The following LRRC37A2 variants were observed in gnomAD, a reference collection of about 807,000 sequenced individuals.
LRRC37A2 encodes the protein leucine-rich repeat-containing protein 37A2.
Under a neutral mutation model 68.8 loss-of-function variants are expected in LRRC37A2, and 9 were observed. That is an observed-to-expected ratio of 0.13 (90% CI 0.08 to 0.23). The LOEUF is 0.23. Ranked by LOEUF, LRRC37A2 falls within the 10% of genes least tolerant of loss-of-function variation. The pLI, the probability that LRRC37A2 is intolerant of heterozygous loss-of-function variation, is 1.00. For missense variants in LRRC37A2, 168 were observed against 950.4 expected, an observed-to-expected ratio of 0.18 and a Z score of 10.82; for synonymous variants, 63 against 367.6, an observed-to-expected ratio of 0.17 and a Z score of 9.48.
the LRRC37A2 span, among the ~76,000 whole-genome samples, chr17:46,502,251 C>A: frequency 1.3e-5 from 2 of 151,088 alleles, no homozygotes; most frequent in Admixed American, 6.6e-5. Flanking sequence ...TATTTACTTA[C>A]TGAACTCAGA....
chr17:46,505,288 AGAAG>A, the LRRC37A2 span, among the ~76,000 whole-genome samples: 1 of 102,396 alleles, frequency 9.8e-6, no homozygotes, highest in Admixed American at 9.9e-5. Flanking sequence ...CGTAGGAGGA[AGAAG>A]GAAGTAATGT....
chr17:46,455,553 G>C, the LRRC37A2 span, among the ~76,000 whole-genome samples: 1 of 102,244 alleles, frequency 9.8e-6, no homozygotes, highest in East Asian at 3.1e-4. Context: ...TAATAGAGTT[G>C]TTTGCATCTT....
chr17:46,714,753 T>C, the LRRC37A2 span, among the ~76,000 whole-genome samples: 1 of 152,252 alleles, frequency 6.6e-6, no homozygotes, highest in Non-Finnish European at 1.5e-5. Context: ...AAATTATTTT[T>C]TGTATCCAGC....
the LRRC37A2 span, among the ~76,000 whole-genome samples, chr17:46,924,713 A>G: frequency 6.6e-6 from 1 of 152,214 alleles, no homozygotes; most frequent in African/African-American, 2.4e-5. Context: ...TTTCTTTTAC[A>G]CTGGGGAGCC....
the LRRC37A2 span, among the ~76,000 whole-genome samples, chr17:46,987,632 T>C: frequency 3.3e-5 from 5 of 152,000 alleles, no homozygotes; most frequent in African/African-American, 9.7e-5. Context: ...TCTAAGTATA[T>C]ACCCAAAGAA....
the LRRC37A2 span, among the ~76,000 whole-genome samples, chr17:46,754,420 A>G: frequency 6.6e-6 from 1 of 152,316 alleles, no homozygotes; most frequent in South Asian, 2.1e-4. Flanking sequence ...AGCATTTGAA[A>G]GTTATTCCTG....
the LRRC37A2 span, among the ~76,000 whole-genome samples, chr17:46,904,755 T>A: frequency 6.6e-6 from 1 of 152,208 alleles, no homozygotes; most frequent in East Asian, 1.9e-4. Flanking sequence ...CTCAGGAGAC[T>A]TGCATGAAGC....
the LRRC37A2 span, among the ~76,000 whole-genome samples, chr17:47,012,008 T>C: frequency 6.6e-6 from 1 of 152,214 alleles, no homozygotes; most frequent in Non-Finnish European, 1.5e-5. Context: ...GGAGACCCTA[T>C]AAGATCGTGG....
At chr17:46,493,533 T>TTTTA in the LRRC37A2 span, among the ~76,000 whole-genome samples, 54 of 106,304 alleles carry the variant, frequency 5.1e-4, 4 homozygotes, top group East Asian at 1.8e-3. Flanking sequence ...TTTTATTTTA[T>TTTTA]TTTATTTATT....
At chr17:46,818,500 A>G in the LRRC37A2 span, 1 of 1,597,854 alleles carries the variant, frequency 6.3e-7, no homozygotes, top group Non-Finnish European at 8.5e-7. Flanking sequence ...CCGCGGGCAG[A>G]CAAGAGGCGA....
chr17:46,899,700 A>G, the LRRC37A2 span, among the ~76,000 whole-genome samples: 3 of 152,174 alleles, frequency 2.0e-5, no homozygotes, highest in Non-Finnish European at 4.4e-5. Flanking sequence ...TGATGGTTGC[A>G]CAACTCTGTG....
chr17:46,946,162 G>C, the LRRC37A2 span, among the ~76,000 whole-genome samples: 26 of 152,114 alleles, frequency 1.7e-4, no homozygotes, highest in African/African-American at 6.0e-4. Flanking sequence ...TAGGCTGGGC[G>C]CGGTGTCTCA....
the LRRC37A2 span, among the ~76,000 whole-genome samples, chr17:46,501,175 C>T: frequency 6.6e-6 from 1 of 151,132 alleles, no homozygotes; most frequent in Non-Finnish European, 1.5e-5. Flanking sequence ...AGCCACCATG[C>T]CCAGCTATAT....
chr17:46,830,989 A>G, the LRRC37A2 span: 1 of 385,066 alleles, frequency 2.6e-6, no homozygotes, highest in Non-Finnish European at 4.6e-6. Flanking sequence ...ATGAAACCTC[A>G]TTGTTGAAAA....
At chr17:46,978,875 G>C in the LRRC37A2 span, 1 of 1,562,594 alleles carries the variant, frequency 6.4e-7, no homozygotes, top group Non-Finnish European at 8.6e-7. Context: ...CTGGCGGCCA[G>C]CGGTGCGCCC....
chr17:46,803,129 A>G, the LRRC37A2 span, among the ~76,000 whole-genome samples: 1 of 152,250 alleles, frequency 6.6e-6, no homozygotes, highest in African/African-American at 2.4e-5. Flanking sequence ...CAGAATTGAC[A>G]GCTTGCTTGG....
chr17:46,973,755 CAA>C, the LRRC37A2 span, among the ~76,000 whole-genome samples: 2,054 of 152,250 alleles, frequency 0.013, 40 homozygotes, highest in African/African-American at 0.047. Context: ...AATCTGCACT[CAA>C]GAGATACTAC....
At chr17:46,558,853 T>C (rs1402750608), downstream of LRRC37A2, 2 of 128,970 alleles carry the variant, frequency 1.6e-5, no homozygotes, top group African/African-American at 6.1e-5. Flanking sequence ...TTTTTTTTTT[T>C]TTTTTTTCAG....
the LRRC37A2 span, among the ~76,000 whole-genome samples, chr17:46,794,917 A>G: frequency 3.3e-5 from 5 of 151,558 alleles, no homozygotes; most frequent in Non-Finnish European, 5.9e-5. Context: ...TGCTTGGCTA[A>G]TTTTTGTATT....
Sources: allele counts gnomAD v4.1 joint callset (sites outside exome capture counted in the v4.1 genomes callset), GRCh38; gene constraint gnomAD v4.1.1; transcripts MANE v1.5; gene names NCBI Gene and HGNC (gene_info 2026-07-23, HGNC 2026-07-21).